USH2A: variants seen among roughly 807,000 people sequenced by gnomAD.
USH2A encodes usherin.
A neutral mutation model predicts 538.9 loss-of-function variants in USH2A; 443 were observed. That is an observed-to-expected ratio of 0.82 (90% CI 0.76 to 0.89). USH2A has a LOEUF of 0.89. Among genes scored for constraint, USH2A ranks in the 40% least tolerant of loss-of-function variants. USH2A has a pLI of 0.00. For synonymous variants in USH2A, 2,413 were observed against 2,273.5 expected (o/e 1.06, Z -1.75); for missense variants, 6,633 against 6,324.8 (o/e 1.05, Z -1.65).
chr1:215,744,813 C>A (rs534172429), intron 58 of USH2A, among the ~76,000 whole-genome samples: 1 of 152,094 alleles, frequency 6.6e-6, no homozygotes, highest in African/African-American at 2.4e-5. Context: ...TGCTAGATTG[C>A]GTTAAATTTG....
chr1:215,666,619 C>A (rs1034880350), intron 64 of USH2A, among the ~76,000 whole-genome samples: 8 of 152,134 alleles, frequency 5.3e-5, no homozygotes, highest in African/African-American at 1.9e-4. Context: ...TGGGTATCAG[C>A]ACCCAGAATG....
chr1:216,296,905 C>T (rs1169426965), intron 9 of USH2A, among the ~76,000 whole-genome samples: 1 of 151,790 alleles, frequency 6.6e-6, no homozygotes, highest in Non-Finnish European at 1.5e-5. Context: ...AGTCAGACAG[C>T]TTAGTTCTAT....
intron 21 of USH2A, among the ~76,000 whole-genome samples, chr1:216,131,586 T>C (rs1450170680): frequency 6.6e-6 from 1 of 152,090 alleles, no homozygotes; most frequent in Non-Finnish European, 1.5e-5. Context: ...TCTCACAAAA[T>C]GATCAACATG....
intron 21 of USH2A, among the ~76,000 whole-genome samples, chr1:216,113,163 A>G (rs1029201803): frequency 1.3e-5 from 2 of 151,488 alleles, no homozygotes; most frequent in East Asian, 3.9e-4. Flanking sequence ...AAAACAAAAC[A>G]AGAAAGTAAT....
intron 21 of USH2A, among the ~76,000 whole-genome samples, chr1:216,154,158 T>C (rs1013977551): frequency 1.3e-5 from 2 of 152,204 alleles, no homozygotes; most frequent in Non-Finnish European, 2.9e-5. Flanking sequence ...TAAAATATAG[T>C]CCTTTCTATT....
intron 21 of USH2A, among the ~76,000 whole-genome samples, chr1:216,114,273 G>C (rs1041929835): frequency 5.9e-5 from 9 of 151,576 alleles, no homozygotes; most frequent in African/African-American, 2.2e-4. Flanking sequence ...GGTTTTGATG[G>C]CTTTTTTAGG....
intron 55 of USH2A, among the ~76,000 whole-genome samples, chr1:215,777,343 A>T (rs1312476166): frequency 6.6e-6 from 1 of 152,226 alleles, no homozygotes; most frequent in African/African-American, 2.4e-5. Context: ...TGTTGGTTTG[A>T]ACATTACAAT....
At chr1:216,213,523 G>C (rs2035286010) in intron 15 of USH2A, among the ~76,000 whole-genome samples, 1 of 151,922 alleles carries the variant, frequency 6.6e-6, no homozygotes, top group South Asian at 2.1e-4. Flanking sequence ...GGATACCTAT[G>C]TGTCAAAAAA....
intron 3 of USH2A, among the ~76,000 whole-genome samples, chr1:216,399,226 A>G (rs1478796135): frequency 6.6e-6 from 1 of 152,162 alleles, no homozygotes; most frequent in Non-Finnish European, 1.5e-5. Flanking sequence ...AGGGCTCATC[A>G]GCACTTTACT....
chr1:215,629,773 C>CTTTT (rs34349385), intron 70 of USH2A, among the ~76,000 whole-genome samples: 36 of 125,054 alleles, frequency 2.9e-4, no homozygotes, highest in African/African-American at 5.5e-4. Flanking sequence ...CTTTTCTTTT[C>CTTTT]TTTTTTTTTT....
At chr1:215,830,020 C>T (rs1366886418) in intron 47 of USH2A, among the ~76,000 whole-genome samples, 1 of 152,110 alleles carries the variant, frequency 6.6e-6, no homozygotes, top group African/African-American at 2.4e-5. Flanking sequence ...AAGTAACTAC[C>T]TGAGGACTCT....
intron 26 of USH2A, among the ~76,000 whole-genome samples, chr1:216,081,152 G>A (rs2031929541): frequency 6.6e-6 from 1 of 152,098 alleles, no homozygotes; most frequent in Admixed American, 6.6e-5. Context: ...ATCAAGGTTT[G>A]TGAAGCCCAA....
At chr1:216,073,029 C>T in intron 28 of USH2A, 60 bp from the exon 29 acceptor site, 1 of 1,611,640 alleles carries the variant, frequency 6.2e-7, no homozygotes, top group Non-Finnish European at 8.5e-7. Context: ...TAATGAGGGG[C>T]TGGCAGGGAG....
chr1:216,382,208 C>G (rs1312607811), intron 3 of USH2A, among the ~76,000 whole-genome samples: 1 of 152,098 alleles, frequency 6.6e-6, no homozygotes, highest in Admixed American at 6.6e-5. Context: ...ACAAATAAAG[C>G]ACATTGAGTA....
At chr1:216,206,078 T>G (rs1472873589) in intron 16 of USH2A, among the ~76,000 whole-genome samples, 2 of 152,194 alleles carry the variant, frequency 1.3e-5, no homozygotes, top group Non-Finnish European at 2.9e-5. Context: ...ATTACACTAT[T>G]TGCTTGAGTG....
chr1:216,082,266 A>G (rs1261361006), intron 26 of USH2A, among the ~76,000 whole-genome samples: 1 of 152,156 alleles, frequency 6.6e-6, no homozygotes, highest in Non-Finnish European at 1.5e-5. Flanking sequence ...ATTCATAGAC[A>G]TTACGTTTCA....
chr1:215,689,685 C>A (rs1038709949), intron 61 of USH2A, among the ~76,000 whole-genome samples: 4 of 152,202 alleles, frequency 2.6e-5, no homozygotes. Flanking sequence ...TGGAGGGGAA[C>A]TAGGTGGTCT....
chr1:216,133,736 A>T (rs939339250), intron 21 of USH2A, among the ~76,000 whole-genome samples: 1 of 152,134 alleles, frequency 6.6e-6, no homozygotes, highest in Non-Finnish European at 1.5e-5. Flanking sequence ...TCTTAGAGAA[A>T]ATAAAAATAA....
chr1:215,677,388 A>G (rs1658067933), intron 62 of USH2A, among the ~76,000 whole-genome samples: 1 of 152,178 alleles, frequency 6.6e-6, no homozygotes, highest in Admixed American at 6.5e-5. Flanking sequence ...GATTTTAAAT[A>G]AAACTTCCCA....
Sources: allele counts gnomAD v4.1 joint callset (sites outside exome capture counted in the v4.1 genomes callset), GRCh38; gene constraint gnomAD v4.1.1; transcripts MANE v1.5; gene names NCBI Gene and HGNC (gene_info 2026-07-23, HGNC 2026-07-21).